Variants in ARGLU1 observed in about 807,000 individuals in gnomAD.
ARGLU1 encodes arginine and glutamate rich 1, also known as arginine and glutamate-rich protein 1.
In ARGLU1, 9 loss-of-function variants were observed where a neutral mutation model predicts 37.6. That is an observed-to-expected ratio of 0.24 (90% CI 0.14 to 0.42). The LOEUF is 0.42. Ranked by LOEUF, ARGLU1 falls within the 10% of genes least tolerant of loss-of-function variation. The pLI, the probability that ARGLU1 is intolerant of heterozygous loss-of-function variation, is 1.00. For synonymous variants in ARGLU1, 166 were observed against 138.5 expected, an observed-to-expected ratio of 1.20 and a Z score of -1.39; for missense variants, 211 against 359.2, an observed-to-expected ratio of 0.59 and a Z score of 3.34.
chr13:106,553,267 T>C (rs1325718561), intron 3 of ARGLU1, among the ~76,000 whole-genome samples: 1 of 152,188 alleles, frequency 6.6e-6, no homozygotes. Flanking sequence ...AAGGATCATA[T>C]TGGATATATA....
Position 106,557,401 on chromosome 13 carries a change from A to G in ARGLU1, c.574-270T>C, listed in dbSNP as rs1880688849. The stretch of plus-strand genomic sequence containing the variant: ...TATTACTAATACTTTAATATCACAC[A>G]AATCAACAAGGACAACTACAAAACT... On this transcript the variant is annotated intron_variant, in intron 2 of 3. Transcript: ENST00000400198. The surrounding 1 kb of genome is among the most constrained non-coding windows in gnomAD (Gnocchi z 5.0). 3.3e-6 allele frequency: 2 copies of G among 611,236 alleles called. No individual in the cohort carries two copies. Among genetic ancestry groups the G allele is most frequent in the Non-Finnish European group, 5.0e-6 (2 of 403,970 alleles). The allele number at this position is 611,236 out of a possible 1,614,324, so 37.9% of individuals were successfully genotyped here. A position where few individuals can be genotyped will look rare whatever the true frequency, so the allele number is the denominator to read the frequency against.
In ARGLU1 at chr13:106,552,097, G is replaced by A. The variant is rs546656644; in HGVS notation, c.657+4951C>T. ...AACTCATTTAAAAGAAAGCCATCTC[G>A]CAAAGCAAACTCTGGTTTATTTCAA... On this transcript the variant is annotated intron_variant, in intron 3 of 3. Transcript: ENST00000400198. 2.5e-4 allele frequency among the ~76,000 whole-genome samples: 38 copies of A among 152,222 alleles called. No individual in the cohort carries two copies. In the South Asian group the frequency reaches 6.4e-3, roughly 26 times the overall value.
chr13:106,560,303 A>T (rs1342025663), intron 1 of ARGLU1, among the ~76,000 whole-genome samples: 1 of 152,208 alleles, frequency 6.6e-6, no homozygotes, highest in South Asian at 2.1e-4. Context: ...GTAAAAATAT[A>T]TTTTTATTAC....
intron 1 of ARGLU1, among the ~76,000 whole-genome samples, chr13:106,565,234 T>A (rs1345989444): frequency 6.6e-6 from 1 of 152,232 alleles, no homozygotes; most frequent in Non-Finnish European, 1.5e-5. Flanking sequence ...AGTCACTCCA[T>A]GACTTAAATA....
In ARGLU1 at chr13:106,564,305, AT is replaced by A. The variant is rs565324194; in HGVS notation, c.347+3267del. 1.6e-4 allele frequency among the ~76,000 whole-genome samples: 25 copies of A among 152,320 alleles called. No homozygotes were observed. In the South Asian group the frequency reaches 5.0e-3, roughly 30 times the overall value. On this transcript the variant is annotated intron_variant, in intron 1 of 3. Coordinates refer to ENST00000400198, the MANE Select transcript of ARGLU1 (RefSeq NM_018011.4). ...TATTGAGAGCTATTACATGCCAAGTATCACCTACTTTAAATACATCATCTCC... is the reference window on the plus strand; with the variant it reads ...TATTGAGAGCTATTACATGCCAAGTACACCTACTTTAAATACATCATCTCC...
At chr13:106,547,976 T>C (rs1880436429) in intron 3 of ARGLU1, among the ~76,000 whole-genome samples, 1 of 152,150 alleles carries the variant, frequency 6.6e-6, no homozygotes, top group African/African-American at 2.4e-5. Flanking sequence ...AAGGCAAAAG[T>C]GTGTTGTGTA....
chr13:106,554,755 G>A (rs1046978927), intron 3 of ARGLU1, among the ~76,000 whole-genome samples: 1 of 151,790 alleles, frequency 6.6e-6, no homozygotes, highest in Non-Finnish European at 1.5e-5. Flanking sequence ...TGTGGTGGTG[G>A]GCACCTGTAG....
At chr13:106,549,014 G>A (rs1880466159) in intron 3 of ARGLU1, among the ~76,000 whole-genome samples, 1 of 152,196 alleles carries the variant, frequency 6.6e-6, no homozygotes, top group Non-Finnish European at 1.5e-5. Context: ...GCCTCCCAAA[G>A]TGCTGGGATT....
chr13:106,553,572 T>C (rs763668907), intron 3 of ARGLU1, among the ~76,000 whole-genome samples: 3 of 152,196 alleles, frequency 2.0e-5, no homozygotes, highest in Non-Finnish European at 4.4e-5. Context: ...GAGGTATCTG[T>C]ATAATAACCC....
At position 106,557,077 on chromosome 13, in the gene ARGLU1, G is replaced by T. The variant is rs199948736; in HGVS notation, c.628C>A (p.Arg210=). Residue 210 remains arginine, a synonymous_variant, in exon 3 of 4, where the codon CGA becomes AGA. Transcript: ENST00000400198. The surrounding 1 kb of genome is among the most constrained non-coding windows in gnomAD (Gnocchi z 5.0). ...TTGGCTTGTGCTTCTGCAATTTTTC[G>T]GTTATTCTCTTCCAGTATTCGCTCT... ...ELERILEENN[R]KIAEAQAKLA... 145 of 1,613,696 alleles carry T rather than the reference G, an allele frequency of 9.0e-5. No individual in the cohort carries two copies. The highest frequency in any genetic ancestry group is 1.1e-4 in the Non-Finnish European group (134 of 1,179,830).
chr13:106,545,035 A>AC (rs778509916), intron 3 of ARGLU1, among the ~76,000 whole-genome samples: 1 of 151,994 alleles, frequency 6.6e-6, no homozygotes, highest in Non-Finnish European at 1.5e-5. Context: ...TACCATACAC[A>AC]CATCTTCAAT....
At position 106,568,105 on chromosome 13, in the gene ARGLU1, C is replaced by T; in HGVS notation, c.-186G>A. On this transcript the variant is annotated 5_prime_UTR_variant, in exon 1 of 4. Transcript: ENST00000400198. The stretch of plus-strand genomic sequence containing the variant: ...CGAAGGCCGCCTCCAACGAGAAACC[C>T]GTAGCGCCAGGCGCCCCTAAGATGG... 2.2e-6 allele frequency: 2 copies of T among 916,250 alleles called. No homozygotes were observed. Among genetic ancestry groups the T allele is most frequent in the Non-Finnish European group, 3.1e-6 (2 of 651,836 alleles). The allele number at this position is 916,250 out of a possible 1,614,324, so 56.8% of individuals were successfully genotyped here. A position where few individuals can be genotyped will look rare whatever the true frequency, so the allele number is the denominator to read the frequency against.
intron 1 of ARGLU1, among the ~76,000 whole-genome samples, chr13:106,564,943 T>C (rs1389742450): frequency 6.6e-6 from 1 of 152,198 alleles, no homozygotes; most frequent in Non-Finnish European, 1.5e-5. Flanking sequence ...ACTATAAACA[T>C]GAGAACCAAC....
intron 1 of ARGLU1, among the ~76,000 whole-genome samples, chr13:106,563,218 G>A (rs990914076): frequency 6.6e-6 from 1 of 152,044 alleles, no homozygotes. Context: ...TACTTAATAG[G>A]TAACATATAA....
chr13:106,555,262 CAGG>C (rs1880633094), intron 3 of ARGLU1, among the ~76,000 whole-genome samples: 1 of 152,112 alleles, frequency 6.6e-6, no homozygotes, highest in Non-Finnish European at 1.5e-5. Flanking sequence ...GAGGCTGAGG[CAGG>C]AGAATAGCCT....
At chr13:106,555,464 C>A (rs1361374754) in intron 3 of ARGLU1, among the ~76,000 whole-genome samples, 3 of 152,156 alleles carry the variant, frequency 2.0e-5, no homozygotes, top group African/African-American at 4.8e-5. Context: ...CACTTATAAT[C>A]TACAAACTAA....
intron 1 of ARGLU1, among the ~76,000 whole-genome samples, chr13:106,566,041 A>G (rs1303784400): frequency 6.6e-6 from 1 of 152,198 alleles, no homozygotes; most frequent in Non-Finnish European, 1.5e-5. Context: ...GTCTTAGGTA[A>G]CTTTTCATAC....
At chr13:106,558,148 A>G in intron 2 of ARGLU1, 1 of 975,736 alleles carries the variant, frequency 1.0e-6, no homozygotes, top group African/African-American at 2.1e-5. Flanking sequence ...ATATGAAACA[A>G]AAAAAGCAAA....
Position 106,557,075 on chromosome 13 carries a change from T to C in ARGLU1, c.630A>G (p.Arg210=), listed in dbSNP as rs771420005. 1.1e-5 allele frequency: 17 copies of C among 1,613,966 alleles called. No individual in the cohort carries two copies. Among genetic ancestry groups the C allele is most frequent in the Non-Finnish European group, 1.4e-5 (16 of 1,179,936 alleles). The change falls in exon 3 of 4, where the codon CGA becomes CGG. Residue 210 remains arginine (R), a synonymous_variant. Transcript: ENST00000400198. The surrounding 1 kb of genome is among the most constrained non-coding windows in gnomAD (Gnocchi z 5.0). ...GTTTGGCTTGTGCTTCTGCAATTTT[T>C]CGGTTATTCTCTTCCAGTATTCGCT... The part of the protein sequence containing the change: ...ELERILEENN[R]KIAEAQAKLA...
Sources: gnomAD v4.1 joint callset for allele counts (sites outside exome capture counted in the v4.1 genomes callset) on GRCh38, gnomAD v4.1.1 for gene constraint, Gnocchi (gnomAD v3.1) non-coding constraint, MANE v1.5 for transcripts, NCBI Gene and HGNC (gene_info 2026-07-23, HGNC 2026-07-21) for gene names.